Variants in NRG4 observed in about 807,000 individuals in gnomAD.
NRG4 encodes pro-neuregulin-4, membrane-bound isoform.
Under a neutral mutation model 15.0 loss-of-function variants are expected in NRG4, and 10 were observed. That is an observed-to-expected ratio of 0.67 (90% CI 0.41 to 1.13). The LOEUF is 1.13. NRG4 is among the 50% of genes most tolerant of loss of function. The pLI, the probability that NRG4 is intolerant of heterozygous loss-of-function variation, is 0.00. For missense variants in NRG4, 139 were observed against 140.2 expected (o/e 0.99, Z 0.04); for synonymous variants, 41 against 50.1 (o/e 0.82, Z 0.77).
At chr15:76,030,273 C>A (rs1227205262) in intron 5 of NRG4, among the ~76,000 whole-genome samples, 1 of 151,108 alleles carries the variant, frequency 6.6e-6, no homozygotes, top group African/African-American at 2.4e-5. Flanking sequence ...ACAACAACAA[C>A]AAACAAACAA....
intron 4 of NRG4, among the ~76,000 whole-genome samples, chr15:76,043,931 A>T (rs574335734): frequency 5.4e-4 from 83 of 152,390 alleles, no homozygotes; most frequent in Non-Finnish European, 1.0e-3. Context: ...TACTGGCATA[A>T]AAATAGATAC....
intron 3 of NRG4, among the ~76,000 whole-genome samples, chr15:75,972,113 T>C (rs980228147): frequency 9.9e-5 from 15 of 152,258 alleles, no homozygotes; most frequent in African/African-American, 3.4e-4. Context: ...ATTTCTCTAA[T>C]GACCAGTGAT....
chr15:76,039,702 TAA>T (rs1260497454), intron 4 of NRG4, among the ~76,000 whole-genome samples: 2 of 152,042 alleles, frequency 1.3e-5, no homozygotes, highest in African/African-American at 2.4e-5. Context: ...AAAGGGATAA[TAA>T]GAGAGAAATT....
chr15:76,021,125 T>C (rs574842428), intron 5 of NRG4, among the ~76,000 whole-genome samples: 6 of 152,356 alleles, frequency 3.9e-5, no homozygotes, highest in African/African-American at 1.4e-4. Context: ...CACTCATCCA[T>C]CATTCTGAAA....
At chr15:76,030,541 A>C (rs754879737) in intron 5 of NRG4, among the ~76,000 whole-genome samples, 1 of 152,210 alleles carries the variant, frequency 6.6e-6, no homozygotes, top group Non-Finnish European at 1.5e-5. Context: ...AATATGCAGA[A>C]GGATGAAACT....
At chr15:76,018,021 T>C (rs988788157) in intron 5 of NRG4, among the ~76,000 whole-genome samples, 2 of 152,190 alleles carry the variant, frequency 1.3e-5, no homozygotes, top group African/African-American at 2.4e-5. Context: ...GGCTCGTTTG[T>C]TTCTTTTCAA....
chr15:75,946,496 TAC>T (rs2031519265), intron 5 of NRG4, among the ~76,000 whole-genome samples: 1 of 152,228 alleles, frequency 6.6e-6, no homozygotes, highest in Non-Finnish European at 1.5e-5. Context: ...TAGCTGGGAC[TAC>T]AGGTGCCCGC....
At position 75,948,918 on chromosome 15, in the gene NRG4, G is replaced by A. The variant is rs138746823; in HGVS notation, c.332-5264C>T. 1.0e-3 allele frequency among the ~76,000 whole-genome samples: 155 copies of A among 152,168 alleles called. 1 individual carries two copies. The highest frequency in any genetic ancestry group is 3.6e-3 in the African/African-American group (151 of 41,520). ...ATGTAAAAATTAGCCAGGCATAGTG[G>A]TGCACACCTGTAGTCTCAAATACTT... On this transcript the variant is annotated intron_variant, in intron 5 of 5. Transcript: ENST00000394907.
At chr15:75,937,004 A>G (rs544151947), downstream of NRG4, 4 of 152,286 alleles carry the variant, frequency 2.6e-5, no homozygotes, top group South Asian at 8.3e-4. Context: ...GTTGCTTTTA[A>G]ATGCAAATTA....
downstream of NRG4, chr15:75,940,261 A>C (rs1738582952): frequency 1.3e-5 from 2 of 152,288 alleles, no homozygotes; most frequent in South Asian, 4.1e-4. Flanking sequence ...AAAAAGAATA[A>C]AATGCACAGA....
intron 3 of NRG4, among the ~76,000 whole-genome samples, chr15:75,972,338 T>C (rs992022490): frequency 7.2e-5 from 11 of 152,216 alleles, no homozygotes; most frequent in African/African-American, 2.4e-4. Flanking sequence ...ACTCTGATGA[T>C]AGTTTCTTTT....
intron 5 of NRG4, among the ~76,000 whole-genome samples, chr15:76,027,709 G>C (rs1460097788): frequency 6.6e-6 from 1 of 152,028 alleles, no homozygotes; most frequent in African/African-American, 2.4e-5. Flanking sequence ...ATAATTTTCA[G>C]AACGTTTCAC....
chr15:76,000,944 T>C (rs1004373614), intron 3 of NRG4, among the ~76,000 whole-genome samples: 1 of 152,128 alleles, frequency 6.6e-6, no homozygotes, highest in Non-Finnish European at 1.5e-5. Flanking sequence ...ATAGCAATAC[T>C]CCCCAACAGA....
intron 3 of NRG4, among the ~76,000 whole-genome samples, chr15:76,007,802 T>C (rs1427827527): frequency 6.6e-6 from 1 of 152,210 alleles, no homozygotes; most frequent in Non-Finnish European, 1.5e-5. Flanking sequence ...TTAGAAAGAA[T>C]CCAGTATGAA....
At chr15:75,939,789 T>C (rs2141742828), downstream of NRG4, 1 of 152,230 alleles carries the variant, frequency 6.6e-6, no homozygotes, top group Admixed American at 6.5e-5. Flanking sequence ...CAGATGATCA[T>C]CTCAATTGAT....
At chr15:75,953,325 A>G (rs1048976248) in intron 5 of NRG4, among the ~76,000 whole-genome samples, 4 of 152,342 alleles carry the variant, frequency 2.6e-5, no homozygotes, top group African/African-American at 9.6e-5. Context: ...TGCATTTACT[A>G]TAAATGTAAG....
chr15:76,017,429 T>C (rs2035016597), intron 5 of NRG4, among the ~76,000 whole-genome samples: 1 of 152,188 alleles, frequency 6.6e-6, no homozygotes, highest in African/African-American at 2.4e-5. Flanking sequence ...AGTTTCTTCA[T>C]AGTGTCGATG....
At chr15:75,993,203 G>A (rs2034085046) in intron 3 of NRG4, among the ~76,000 whole-genome samples, 1 of 150,006 alleles carries the variant, frequency 6.7e-6, no homozygotes, top group South Asian at 2.1e-4. Flanking sequence ...ATGTGTCTAA[G>A]TTTGCTTGGT....
intron 3 of NRG4, among the ~76,000 whole-genome samples, chr15:75,997,165 A>G (rs2141883775): frequency 6.6e-6 from 1 of 152,266 alleles, no homozygotes; most frequent in East Asian, 1.9e-4. Flanking sequence ...ACATTTCTGT[A>G]CAAAATTACA....
Sources: gnomAD v4.1 joint callset for allele counts (sites outside exome capture counted in the v4.1 genomes callset) on GRCh38, gnomAD v4.1.1 for gene constraint, MANE v1.5 for transcripts, NCBI Gene and HGNC (gene_info 2026-07-23, HGNC 2026-07-21) for gene names.